The following SRFBP1 variants were observed in gnomAD, a reference collection of about 807,000 sequenced individuals.
SRFBP1 encodes the protein serum response factor binding protein 1.
Under a neutral mutation model 45.5 loss-of-function variants are expected in SRFBP1, and 47 were observed. The observed-to-expected ratio is 1.03, with a 90% CI of 0.82 to 1.32. SRFBP1 has a LOEUF of 1.32. Among genes scored for constraint, SRFBP1 ranks in the 40% most tolerant of loss-of-function variants. The pLI, the probability that SRFBP1 is intolerant of heterozygous loss-of-function variation, is 0.00. For synonymous variants in SRFBP1, 203 were observed against 166.3 expected, an observed-to-expected ratio of 1.22 and a Z score of -1.70; for missense variants, 621 against 484.6, an observed-to-expected ratio of 1.28 and a Z score of -2.64.
chr5:121,962,008 G>A lies in SRFBP1; in HGVS notation c.-25G>A, dbSNP rs749427274. The A allele has an allele frequency of 6.8e-6, 11 of 1,613,258 alleles. No homozygotes were observed. The Admixed American group carries it at 1.8e-4, about 27-fold the overall frequency. On this transcript the variant is annotated 5_prime_UTR_variant, in exon 1 of 8. Transcript: ENST00000339397. ...AGAGACCGGTTCACGTGCAGGCAGC[G>A]GCGGATCATATTCCTTCATCTACCA...
intron 4 of SRFBP1, among the ~76,000 whole-genome samples, chr5:122,016,118 T>C (rs916733342): frequency 5.3e-5 from 8 of 152,208 alleles, no homozygotes; most frequent in Non-Finnish European, 1.0e-4. Context: ...TTATCTGTAG[T>C]GTAACACCAA....
At position 121,974,258 on chromosome 5, in the gene SRFBP1, G is replaced by A; in HGVS notation, c.99G>A (p.Arg33=). The A allele has an allele frequency of 6.2e-7, 1 of 1,611,430 alleles. No individual in the cohort carries two copies. The highest frequency in any genetic ancestry group is 8.5e-7 in the Non-Finnish European group (1 of 1,178,118). ...IRVLVIRKLV[R]SVGRLKSKKG... ...TTTTAGTTATCCGAAAACTTGTCAG[G>A]AGTGTTGGCCGACTGAAGTCAAAAA... The change falls in exon 2 of 8, where the codon AGG becomes AGA. Residue 33 remains arginine (R), a synonymous_variant. Coordinates refer to ENST00000339397, the MANE Select transcript of SRFBP1 (RefSeq NM_152546.3).
At position 121,978,563 on chromosome 5, in the gene SRFBP1, C is replaced by T. The variant is rs565799378; in HGVS notation, c.198+3176C>T. Among the ~76,000 whole-genome samples, 13 of 152,194 alleles carry T rather than the reference C, an allele frequency of 8.5e-5. No homozygotes were observed. In the South Asian group the frequency reaches 2.1e-3, roughly 24 times the overall value. On this transcript the variant is annotated intron_variant, in intron 3 of 7. Transcript: ENST00000339397. ...CTGGAGTGCAGTGACCCGATCTCTG[C>T]TCACTGTAACCTCCGCCTCCTGGGT...
intron 3 of SRFBP1, among the ~76,000 whole-genome samples, chr5:121,986,152 T>C (rs542238337): frequency 6.6e-6 from 1 of 151,838 alleles, no homozygotes; most frequent in Admixed American, 6.6e-5. Flanking sequence ...CAAAGAAAAA[T>C]AACCAAGAAT....
At position 122,027,301 on chromosome 5, in the gene SRFBP1, C is replaced by T. The variant is rs977350983; in HGVS notation, c.*175C>T. On this transcript the variant is annotated 3_prime_UTR_variant, in exon 8 of 8. Transcript: ENST00000339397. The stretch of plus-strand genomic sequence containing the variant: ...TCTGCCTCCCAAAGGGCTGGGACTG[C>T]AGGTGCATGCACTACCATGCCCAGC... 7 of 489,920 alleles carry T rather than the reference C, an allele frequency of 1.4e-5. No individual in the cohort carries two copies. The highest frequency in any genetic ancestry group is 7.9e-5 in the African/African-American group (4 of 50,484). 30.3% of individuals were successfully genotyped at this position (489,920 alleles called of 1,614,324 possible).
intron 4 of SRFBP1, among the ~76,000 whole-genome samples, chr5:122,009,795 A>G (rs1230835736): frequency 6.6e-6 from 1 of 150,472 alleles, no homozygotes; most frequent in African/African-American, 2.4e-5. Flanking sequence ...TGGCAAGGAT[A>G]ATTCCCATAA....
At chr5:122,046,159 T>G (rs900344217) in intron 2 of SRFBP1, among the ~76,000 whole-genome samples, 1 of 152,064 alleles carries the variant, frequency 6.6e-6, no homozygotes, top group African/African-American at 2.4e-5. Context: ...AACTCGTTAT[T>G]TAATATTAGG....
At chr5:121,963,627 G>C (rs180718102) in intron 1 of SRFBP1, among the ~76,000 whole-genome samples, 1 of 152,078 alleles carries the variant, frequency 6.6e-6, no homozygotes, top group Non-Finnish European at 1.5e-5. Context: ...TCTGTTCTTT[G>C]TGCACCCAGA....
chr5:122,012,157 A>G (rs780330958), intron 4 of SRFBP1, among the ~76,000 whole-genome samples: 6 of 152,088 alleles, frequency 3.9e-5, no homozygotes, highest in Non-Finnish European at 8.8e-5. Flanking sequence ...GGTTAGTCTA[A>G]TTGATTGATA....
In SRFBP1 at chr5:121,991,081, G is replaced by A. The variant is rs184392128; in HGVS notation, c.199-3518G>A. On this transcript the variant is annotated intron_variant, in intron 3 of 7. Transcript: ENST00000339397. Reference sequence around the variant, plus strand: ...GTAAGGGACCCCAGCCTCAAATCCAGGGAAGTTGTCCGTCATCCCAGGCAT... The same window carrying A: ...GTAAGGGACCCCAGCCTCAAATCCAAGGAAGTTGTCCGTCATCCCAGGCAT... Among the ~76,000 whole-genome samples the A allele has an allele frequency of 2.4e-3, 362 of 152,168 alleles. 3 individuals carry two copies. Among genetic ancestry groups the A allele is most frequent in the African/African-American group, 8.3e-3 (343 of 41,516 alleles).
chr5:122,016,630 T>C (rs1404089539), intron 4 of SRFBP1, among the ~76,000 whole-genome samples: 2 of 152,218 alleles, frequency 1.3e-5, no homozygotes, highest in African/African-American at 4.8e-5. Context: ...TTCTAGCTTT[T>C]AATACTCAAG....
chr5:122,038,880 T>C (rs995655122), intron 2 of SRFBP1, among the ~76,000 whole-genome samples: 4 of 152,012 alleles, frequency 2.6e-5, no homozygotes, highest in Non-Finnish European at 5.9e-5. Context: ...CCAAACTTTC[T>C]CAGGGAAGAG....
At chr5:121,995,854 A>G (rs1474410520) in intron 4 of SRFBP1, among the ~76,000 whole-genome samples, 1 of 152,054 alleles carries the variant, frequency 6.6e-6, no homozygotes, top group East Asian at 1.9e-4. Context: ...CCACAGAAAT[A>G]CAAACTACCA....
intron 3 of SRFBP1, among the ~76,000 whole-genome samples, chr5:121,990,059 G>C (rs1452669476): frequency 6.6e-6 from 1 of 151,972 alleles, no homozygotes. Context: ...TTCAACCCAG[G>C]AATACCACTA....
chr5:122,051,760 C>T (rs1373339311), intron 2 of SRFBP1, among the ~76,000 whole-genome samples: 3 of 151,826 alleles, frequency 2.0e-5, no homozygotes, highest in South Asian at 4.1e-4. Context: ...ACATTCAAGG[C>T]GAATATTGAT....
rs146113284 is a variant in SRFBP1 at position 122,064,213 on chromosome 5, G to C, written n.312-11102G>C. ...TTTTTTAAAATGTATTTAGAGTTTG[G>C]TAAGACTGGTCTGTGTTATTTTATT... is the stretch of plus-strand genomic sequence containing the variant. On this transcript the variant is annotated intron_variant and non_coding_transcript_variant, in intron 2 of 2. Coordinates refer to the SRFBP1 transcript ENST00000504881. 249 of 151,934 alleles carry C rather than the reference G, an allele frequency of 1.6e-3. 2 individuals carry two copies. The highest frequency in any genetic ancestry group is 5.7e-3 in the African/African-American group (237 of 41,480). 9.4% of individuals were successfully genotyped at this position (151,934 alleles called of 1,614,324 possible). A position where few individuals can be genotyped will look rare whatever the true frequency, so the allele number is the denominator to read the frequency against.
intron 1 of SRFBP1, among the ~76,000 whole-genome samples, chr5:121,962,725 A>G (rs1263222180): frequency 2.0e-5 from 3 of 152,168 alleles, no homozygotes; most frequent in African/African-American, 4.8e-5. Flanking sequence ...TACCATTTCT[A>G]CCACTTATCC....
chr5:122,052,127 G>A (rs1202587948), intron 2 of SRFBP1, among the ~76,000 whole-genome samples: 1 of 152,172 alleles, frequency 6.6e-6, no homozygotes, highest in Non-Finnish European at 1.5e-5. Flanking sequence ...CTGTTAGCTT[G>A]ATGGGATTCC....
At chr5:122,056,681 A>G (rs1344825983) in intron 2 of SRFBP1, among the ~76,000 whole-genome samples, 1 of 152,212 alleles carries the variant, frequency 6.6e-6, no homozygotes, top group Non-Finnish European at 1.5e-5. Flanking sequence ...GTAAGAAGAC[A>G]AGGTGTTAGC....
Sources: gnomAD v4.1 joint callset for allele counts (sites outside exome capture counted in the v4.1 genomes callset) on GRCh38, gnomAD v4.1.1 for gene constraint, MANE v1.5 for transcripts, NCBI Gene and HGNC (gene_info 2026-07-23, HGNC 2026-07-21) for gene names.